Variants in PDXDC1 observed in about 807,000 individuals in gnomAD.
PDXDC1 encodes the protein pyridoxal dependent decarboxylase domain containing 1.
A neutral mutation model predicts 100.1 loss-of-function variants in PDXDC1; 42 were observed. The observed-to-expected ratio is 0.42, with a 90% CI of 0.33 to 0.54. The LOEUF (loss-of-function observed/expected upper bound fraction) is 0.54. Among genes scored for constraint, PDXDC1 ranks in the 20% least tolerant of loss-of-function variants. The probability of loss-of-function intolerance (pLI) is 0.10; values close to 1 mark genes in which losing one functional copy is unlikely to be tolerated. For missense variants in PDXDC1, 636 were observed against 979.2 expected, an observed-to-expected ratio of 0.65 and a Z score of 4.68; for synonymous variants, 260 against 371.7, an observed-to-expected ratio of 0.70 and a Z score of 3.46.
At chr16:15,094,078 C>T (rs938684894) in intron 16 of PDXDC1, 1 of 1,392,844 alleles carries the variant, frequency 7.2e-7, no homozygotes, top group Admixed American at 2.0e-5. Flanking sequence ...TCCTTTCAAT[C>T]CGCTCCTCTA....
chr16:15,122,865 T>G (rs1459536393), intron 16 of PDXDC1, among the ~76,000 whole-genome samples: 713 of 25,502 alleles, frequency 0.028, no homozygotes, highest in Middle Eastern at 0.059. Context: ...AAGGGGGGAG[T>G]AAGGGAAGGG....
chr16:15,000,742 T>A (rs1972963335), intron 3 of PDXDC1, among the ~76,000 whole-genome samples: 1 of 152,204 alleles, frequency 6.6e-6, no homozygotes, highest in South Asian at 2.1e-4. Context: ...GGTTCCCAGC[T>A]TGGGGAAGAG....
At chr16:15,101,818 G>A (rs2046559538) in intron 16 of PDXDC1, among the ~76,000 whole-genome samples, 1 of 150,656 alleles carries the variant, frequency 6.6e-6, no homozygotes, top group Non-Finnish European at 1.5e-5. Context: ...TAGGACTATA[G>A]GCATGTGCCA....
At chr16:15,098,978 G>C (rs944331025) in intron 16 of PDXDC1, among the ~76,000 whole-genome samples, 2 of 152,174 alleles carry the variant, frequency 1.3e-5, no homozygotes, top group Admixed American at 6.5e-5. Flanking sequence ...TTACAGGAGG[G>C]CACCAAGAAG....
chr16:15,111,894 G>A (rs1186374988), intron 16 of PDXDC1, among the ~76,000 whole-genome samples: 1 of 149,704 alleles, frequency 6.7e-6, no homozygotes, highest in African/African-American at 2.4e-5. Flanking sequence ...TGAAAAGGAA[G>A]GAATTAATTA....
rs538085650 is a variant in PDXDC1, at chr16:15,036,022, A to C, written c.2114A>C (p.Lys705Thr). 1.7e-5 allele frequency: 28 copies of C among 1,612,532 alleles called. No homozygotes were observed. The South Asian group carries it at 3.0e-4, about 17-fold the overall frequency. Reference protein sequence around the residue: ...SRTKQRLPGQKPFKRSLRGSD... With the variant: ...SRTKQRLPGQTPFKRSLRGSD... ...CTGTCTGCCCTTTCTGTAGGCCAGA[A>C]GCCTTTTAAAAGGTCCCTGCGAGGT... is the stretch of plus-strand genomic sequence containing the variant. Residue 705 changes from lysine to threonine, a missense_variant, in exon 23 of 23, where the codon AAG (lysine) becomes ACG (threonine). Lys to Thr is a moderately conservative substitution (Grantham distance 78). This residue lies in a region of PDXDC1 where 452 missense variants were observed against 402.9 expected (regional missense o/e 1.12). Transcript: ENST00000396410.
intron 16 of PDXDC1, among the ~76,000 whole-genome samples, chr16:15,078,047 C>T (rs1046052722): frequency 2.0e-5 from 3 of 152,170 alleles, no homozygotes; most frequent in Admixed American, 2.0e-4. Context: ...TATCACCATT[C>T]AAATATCTTA....
At chr16:15,064,408 C>G (rs1385331498) in intron 16 of PDXDC1, among the ~76,000 whole-genome samples, 1 of 152,152 alleles carries the variant, frequency 6.6e-6, no homozygotes, top group South Asian at 2.1e-4. Flanking sequence ...CTCCTGACTT[C>G]AAGTGATCCG....
chr16:15,056,621 C>T (rs1349752598), intron 16 of PDXDC1, among the ~76,000 whole-genome samples: 1 of 151,914 alleles, frequency 6.6e-6, no homozygotes, highest in African/African-American at 2.4e-5. Context: ...CCCATACCCT[C>T]GTCTCTGCCA....
At chr16:15,095,230 C>G (rs2046312592) in intron 16 of PDXDC1, among the ~76,000 whole-genome samples, 1 of 152,062 alleles carries the variant, frequency 6.6e-6, no homozygotes. Context: ...AAACAGAGGC[C>G]AAAACCTCGG....
chr16:15,012,196 C>T (rs752973214), intron 8 of PDXDC1, among the ~76,000 whole-genome samples: 46 of 152,328 alleles, frequency 3.0e-4, no homozygotes, highest in Non-Finnish European at 4.1e-4. Context: ...CTCTGCCTCC[C>T]GGGTTCCAGT....
intron 16 of PDXDC1, 110 bp from the exon 17 acceptor site, chr16:15,031,625 T>C: frequency 3.5e-6 from 3 of 856,294 alleles, no homozygotes; most frequent in Non-Finnish European, 5.6e-6. Flanking sequence ...TGGCTCCCGG[T>C]AACTGGAGTA....
In PDXDC1 at chr16:15,030,544, C is replaced by CAAAA. The variant is rs1156634836; in HGVS notation, c.1399+510_1399+513dup. ...CTGGGGGACAGAGGAGACTCCATCT[C>CAAAA]AAAAAAAAAAAAAAAAAAAAAAAAA... On this transcript the variant is annotated intron_variant, in intron 16 of 22. Transcript: ENST00000396410. 2.1e-3 allele frequency among the ~76,000 whole-genome samples: 79 copies of CAAAA among 38,294 alleles called. 3 individuals carry two copies. Among genetic ancestry groups the CAAAA allele is most frequent in the South Asian group, 7.5e-3 (4 of 536 alleles). 25.1% of individuals were successfully genotyped at this position (38,294 alleles called of 152,430 possible). A position where few individuals can be genotyped will look rare whatever the true frequency, so the allele number is the denominator to read the frequency against.
intron 16 of PDXDC1, chr16:15,125,586 C>A: frequency 6.8e-7 from 1 of 1,478,516 alleles, no homozygotes; most frequent in African/African-American, 1.4e-5. Flanking sequence ...CACTCTTCAC[C>A]TGTCCAGCAA....
At chr16:15,130,637 C>G (rs201767880) in intron 16 of PDXDC1, 1 of 1,348,216 alleles carries the variant, frequency 7.4e-7, no homozygotes, top group East Asian at 2.3e-5. Flanking sequence ...GAGCTCACCC[C>G]GGGGAAATGA....
At chr16:15,020,975 A>AACACACACACACACACAC (rs66850292) in intron 12 of PDXDC1, among the ~76,000 whole-genome samples, 9 of 145,928 alleles carry the variant, frequency 6.2e-5, no homozygotes, top group Admixed American at 4.8e-4. Flanking sequence ...GCACCATCTA[A>AACACACACACACACACAC]ACACACACAC....
chr16:14,983,572 CAAAAAAAAA>C (rs56258905), intron 1 of PDXDC1, among the ~76,000 whole-genome samples: 271 of 88,342 alleles, frequency 3.1e-3, no homozygotes, highest in African/African-American at 0.015. Context: ...GACTCCGTCT[CAAAAAAAAA>C]AAAAAAAAAA....
At chr16:15,119,540 T>C (rs1289208814) in intron 16 of PDXDC1, among the ~76,000 whole-genome samples, 2 of 148,378 alleles carry the variant, frequency 1.3e-5, no homozygotes, top group African/African-American at 4.9e-5. Context: ...TGCCTCAGCC[T>C]CCCGAGCAGC....
At chr16:15,004,375 G>T in intron 5 of PDXDC1, 42 bp downstream of exon 5, 1 of 1,607,202 alleles carries the variant, frequency 6.2e-7, no homozygotes, top group African/African-American at 1.3e-5. Flanking sequence ...TTTATGAGTC[G>T]GGTGTAGACT....
Sources: allele counts gnomAD v4.1 joint callset (sites outside exome capture counted in the v4.1 genomes callset), GRCh38; gene constraint gnomAD v4.1.1; regional missense constraint gnomAD v4.1.1; transcripts MANE v1.5; gene names NCBI Gene and HGNC (gene_info 2026-07-23, HGNC 2026-07-21).